Variants in EXOC4 observed in about 807,000 individuals in gnomAD.
EXOC4 encodes the protein exocyst complex component 4, also known as SEC8-like 1.
In EXOC4, 71 loss-of-function variants were observed where a neutral mutation model predicts 107.2. The ratio of observed to expected loss-of-function variants is 0.66; its 90% confidence interval spans 0.55 to 0.81. EXOC4 has a LOEUF of 0.81. Among genes scored for constraint, EXOC4 ranks in the 30% least tolerant of loss-of-function variants. The pLI is 0.00. For synonymous variants in EXOC4, 456 were observed against 441.2 expected, an observed-to-expected ratio of 1.03 and a Z score of -0.42; for missense variants, 1,108 against 1,189.6, an observed-to-expected ratio of 0.93 and a Z score of 1.01.
intron 12 of EXOC4, among the ~76,000 whole-genome samples, chr7:133,907,337 A>G (rs1799588546): frequency 6.6e-6 from 1 of 151,756 alleles, no homozygotes; most frequent in Admixed American, 6.6e-5. Flanking sequence ...CTTTTAAAAT[A>G]TATTATTTCA....
In EXOC4 at chr7:134,004,817, T is replaced by C. The variant is rs1430922545; in HGVS notation, c.2349-95T>C. ...TGGCTAGTCTTACATTTATTAATGATAATTTATTAGTTATTTTGGTGCTCT... is the reference window on the plus strand; with the variant it reads ...TGGCTAGTCTTACATTTATTAATGACAATTTATTAGTTATTTTGGTGCTCT... On this transcript the variant is annotated intron_variant, in intron 15 of 17. Coordinates refer to ENST00000253861, the MANE Select transcript of EXOC4 (RefSeq NM_021807.4). 5.9e-6 allele frequency: 6 copies of C among 1,015,070 alleles called. No homozygotes were observed. The Admixed American group carries it at 6.9e-5, about 12-fold the overall frequency. 62.9% of individuals were successfully genotyped at this position (1,015,070 alleles called of 1,614,324 possible).
chr7:133,586,953 C>T (rs1801420509), intron 9 of EXOC4, among the ~76,000 whole-genome samples: 1 of 152,120 alleles, frequency 6.6e-6, no homozygotes, highest in Non-Finnish European at 1.5e-5. Context: ...GCCTCAGCCT[C>T]CTGAATAGCT....
intron 10 of EXOC4, among the ~76,000 whole-genome samples, chr7:133,763,831 C>T (rs1420999445): frequency 6.6e-6 from 1 of 151,850 alleles, no homozygotes; most frequent in Non-Finnish European, 1.5e-5. Context: ...AAATAGAATT[C>T]TCTGAAAGTA....
At chr7:133,433,831 A>G (rs968093096) in intron 7 of EXOC4, among the ~76,000 whole-genome samples, 2 of 152,180 alleles carry the variant, frequency 1.3e-5, no homozygotes, top group African/African-American at 4.8e-5. Context: ...TCAGATGGGA[A>G]GAAGAGTGCT....
chr7:134,017,575 C>G (rs755283203), intron 17 of EXOC4, among the ~76,000 whole-genome samples: 3 of 152,098 alleles, frequency 2.0e-5, no homozygotes, highest in African/African-American at 7.2e-5. Flanking sequence ...CTGACCATGC[C>G]GCTTTTTTCT....
intron 16 of EXOC4, among the ~76,000 whole-genome samples, chr7:134,006,434 T>C (rs1794644592): frequency 6.6e-6 from 1 of 152,214 alleles, no homozygotes; most frequent in Non-Finnish European, 1.5e-5. Context: ...TGTGTTTTTC[T>C]TTGAATAAAA....
intron 15 of EXOC4, among the ~76,000 whole-genome samples, chr7:133,998,743 A>T (rs1217741777): frequency 6.6e-6 from 1 of 152,234 alleles, no homozygotes; most frequent in African/African-American, 2.4e-5. Context: ...CAATTAATTA[A>T]CATTTTTTAA....
At chr7:133,805,530 G>C (rs930180433) in intron 10 of EXOC4, among the ~76,000 whole-genome samples, 2 of 152,200 alleles carry the variant, frequency 1.3e-5, no homozygotes, top group African/African-American at 4.8e-5. Context: ...AGGGAAGACA[G>C]ATACCTCCAT....
intron 11 of EXOC4, among the ~76,000 whole-genome samples, chr7:133,855,092 A>T (rs377527861): frequency 0.07 from 3,413 of 48,816 alleles, 112 homozygotes; most frequent in Non-Finnish European, 0.09. Context: ...AATATATATA[A>T]ATATATATAT....
At chr7:133,976,803 C>T (rs1455662063) in intron 14 of EXOC4, among the ~76,000 whole-genome samples, 1 of 152,182 alleles carries the variant, frequency 6.6e-6, no homozygotes, top group Non-Finnish European at 1.5e-5. Flanking sequence ...TAACTTAGCT[C>T]TTATGTCCTA....
chr7:134,059,058 C>G (rs963891515), intron 17 of EXOC4, among the ~76,000 whole-genome samples: 1 of 152,128 alleles, frequency 6.6e-6, no homozygotes, highest in South Asian at 2.1e-4. Context: ...ACTCTGAATT[C>G]TACCAAGTAA....
At chr7:133,595,553 ATG>A (rs1196644923) in intron 9 of EXOC4, among the ~76,000 whole-genome samples, 2 of 152,168 alleles carry the variant, frequency 1.3e-5, no homozygotes, top group Non-Finnish European at 2.9e-5. Flanking sequence ...AGTTCTTTCT[ATG>A]TGTCAGGCAT....
intron 12 of EXOC4, among the ~76,000 whole-genome samples, chr7:133,915,905 C>T (rs1799798424): frequency 6.6e-6 from 1 of 152,128 alleles, no homozygotes; most frequent in African/African-American, 2.4e-5. Context: ...CTGTTTTCCT[C>T]CTGCCTCACC....
chr7:133,463,122 G>T (rs778651269), intron 7 of EXOC4, among the ~76,000 whole-genome samples: 5 of 152,152 alleles, frequency 3.3e-5, no homozygotes, highest in Non-Finnish European at 7.4e-5. Context: ...TTAGAAAGAT[G>T]AGTATGGGAA....
chr7:133,521,233 C>T (rs1309000323), intron 9 of EXOC4, among the ~76,000 whole-genome samples: 1 of 152,116 alleles, frequency 6.6e-6, no homozygotes, highest in Non-Finnish European at 1.5e-5. Context: ...AAACCCTAGA[C>T]ATTAGATGAT....
chr7:133,469,840 G>A (rs1269849063), intron 7 of EXOC4, among the ~76,000 whole-genome samples: 1 of 152,128 alleles, frequency 6.6e-6, no homozygotes, highest in African/African-American at 2.4e-5. Context: ...TCTGCGGATT[G>A]ACTTCTTTGA....
intron 10 of EXOC4, among the ~76,000 whole-genome samples, chr7:133,762,004 C>A (rs533811495): frequency 1.3e-5 from 2 of 152,162 alleles, no homozygotes; most frequent in African/African-American, 4.8e-5. Context: ...TCAGCTCTCA[C>A]GTGCTTGATC....
At chr7:133,760,554 G>T (rs938681474) in intron 10 of EXOC4, among the ~76,000 whole-genome samples, 29 of 152,022 alleles carry the variant, frequency 1.9e-4, no homozygotes, top group African/African-American at 6.0e-4. Context: ...GACCGCACAC[G>T]TGAGTGCCTG....
chr7:133,532,559 A>C (rs1800200305), intron 9 of EXOC4, among the ~76,000 whole-genome samples: 1 of 152,132 alleles, frequency 6.6e-6, no homozygotes, highest in African/African-American at 2.4e-5. Flanking sequence ...GCTAAAAGAA[A>C]ACATAGTTCT....
Sources: gnomAD v4.1 joint callset for allele counts (sites outside exome capture counted in the v4.1 genomes callset) on GRCh38, gnomAD v4.1.1 for gene constraint, MANE v1.5 for transcripts, NCBI Gene and HGNC (gene_info 2026-07-23, HGNC 2026-07-21) for gene names.